GPR137C: variants seen among roughly 807,000 people sequenced by gnomAD.
GPR137C encodes integral membrane protein GPR137C.
GPR137C carries 27 observed loss-of-function variants against 43.4 expected under a neutral mutation model. That is an observed-to-expected ratio of 0.62 (90% CI 0.46 to 0.86). GPR137C has a LOEUF of 0.86. Among genes scored for constraint, GPR137C ranks in the 40% least tolerant of loss-of-function variants. GPR137C has a pLI of 0.00. For synonymous variants in GPR137C, 285 were observed against 226.9 expected, an observed-to-expected ratio of 1.26 and a Z score of -2.30; for missense variants, 522 against 534.6, an observed-to-expected ratio of 0.98 and a Z score of 0.23.
chr14:52,553,711 C>A, intron 1 of GPR137C, 120 bp downstream of exon 1: 1 of 809,988 alleles, frequency 1.2e-6, no homozygotes, highest in Non-Finnish European at 1.9e-6. Context: ...GGAAACCAGC[C>A]TGGGGAAACT....
chr14:52,575,467 A>G (rs1243151733), intron 1 of GPR137C, among the ~76,000 whole-genome samples: 1 of 152,230 alleles, frequency 6.6e-6, no homozygotes, highest in African/African-American at 2.4e-5. Flanking sequence ...AACAATCTGA[A>G]AAACAACACA....
At chr14:52,633,027 A>G (rs1342019454) in intron 4 of GPR137C, among the ~76,000 whole-genome samples, 2 of 152,086 alleles carry the variant, frequency 1.3e-5, no homozygotes, top group African/African-American at 2.4e-5. Context: ...GGCAGATTCT[A>G]TTCACTCCTT....
In GPR137C at chr14:52,576,163, C is replaced by A. The variant is rs78294598; in HGVS notation, c.445-22109C>A. ...GATAAAGAAAGACACTCTTATCAGG[C>A]AGACTATTCTACATGTGTACCCTTT... On this transcript the variant is annotated intron_variant, in intron 1 of 6. Transcript: ENST00000321662. Among the ~76,000 whole-genome samples the A allele has an allele frequency of 6.2e-3, 942 of 152,302 alleles. 11 individuals carry two copies. The highest frequency in any genetic ancestry group is 0.02 in the African/African-American group (835 of 41,558).
At chr14:52,598,230 A>G (rs2038879674) in intron 1 of GPR137C, 42 bp from the exon 2 acceptor site, 2 of 712,790 alleles carry the variant, frequency 2.8e-6, no homozygotes, top group Non-Finnish European at 4.6e-6. Flanking sequence ...AGAATTCTAT[A>G]TTACACGTTT....
chr14:52,576,333 G>C (rs994839217), intron 1 of GPR137C, among the ~76,000 whole-genome samples: 3 of 152,102 alleles, frequency 2.0e-5, no homozygotes, highest in Non-Finnish European at 4.4e-5. Context: ...AGCATTCCAT[G>C]GTCCATATAT....
chr14:52,575,044 C>T (rs2038530089), intron 1 of GPR137C, among the ~76,000 whole-genome samples: 1 of 152,086 alleles, frequency 6.6e-6, no homozygotes. Flanking sequence ...ACTCTTGGTT[C>T]AGGAATAAAT....
chr14:52,563,254 C>G (rs1426281004), intron 1 of GPR137C, among the ~76,000 whole-genome samples: 3 of 152,116 alleles, frequency 2.0e-5, no homozygotes, highest in Non-Finnish European at 4.4e-5. Flanking sequence ...GTTGAGATTT[C>G]TAAACACTTA....
intron 1 of GPR137C, among the ~76,000 whole-genome samples, chr14:52,583,057 T>A (rs1281358062): frequency 2.0e-5 from 3 of 152,172 alleles, no homozygotes; most frequent in Non-Finnish European, 2.9e-5. Context: ...AAGAATAATA[T>A]TCTTTTATAA....
chr14:52,616,052 T>C (rs747920444), intron 3 of GPR137C, among the ~76,000 whole-genome samples: 15 of 152,244 alleles, frequency 9.9e-5, no homozygotes, highest in Non-Finnish European at 2.1e-4. Flanking sequence ...TACAGGTATT[T>C]AGAGCAATAT....
chr14:52,554,040 A>C (rs1292279572), intron 1 of GPR137C, among the ~76,000 whole-genome samples: 1 of 152,210 alleles, frequency 6.6e-6, no homozygotes, highest in Admixed American at 6.5e-5. Context: ...GTCACCAGGC[A>C]GAGCTGTTCC....
At chr14:52,596,191 A>G (rs1255887755) in intron 1 of GPR137C, among the ~76,000 whole-genome samples, 2 of 152,016 alleles carry the variant, frequency 1.3e-5, no homozygotes, top group East Asian at 1.9e-4. Flanking sequence ...CTTCCTCTGG[A>G]TGCTTCGTCC....
In GPR137C at chr14:52,619,030, C is replaced by G. The variant is rs150685248; in HGVS notation, c.718-13130C>G. Among the ~76,000 whole-genome samples the G allele has an allele frequency of 1.3e-3, 197 of 152,274 alleles. 2 individuals are homozygous for G. The highest frequency in any genetic ancestry group is 4.4e-3 in the African/African-American group (184 of 41,578). On this transcript the variant is annotated intron_variant, in intron 3 of 6. Coordinates refer to ENST00000321662, the MANE Select transcript of GPR137C (RefSeq NM_001099652.2). ...GCCATTTGCAAATAATACATTTTCT[C>G]ACTCCCTCCTGTATTTCTAACAGTT...
At chr14:52,570,516 C>T (rs901859173) in intron 1 of GPR137C, among the ~76,000 whole-genome samples, 14 of 151,986 alleles carry the variant, frequency 9.2e-5, no homozygotes, top group Admixed American at 2.6e-4. Context: ...TAAATGTAAA[C>T]GGGCTAAATT....
intron 1 of GPR137C, among the ~76,000 whole-genome samples, chr14:52,564,918 T>C (rs1022482980): frequency 6.6e-6 from 1 of 152,048 alleles, no homozygotes; most frequent in African/African-American, 2.4e-5. Context: ...TTCCCACTTA[T>C]CTACCTCCTC....
chr14:52,555,933 AGAGT>A (rs1407872034), intron 1 of GPR137C, among the ~76,000 whole-genome samples: 2 of 152,192 alleles, frequency 1.3e-5, no homozygotes. Context: ...TGTATTTAAG[AGAGT>A]ATTTTAGTTC....
At chr14:52,568,097 A>G (rs2038401052) in intron 1 of GPR137C, among the ~76,000 whole-genome samples, 3 of 152,030 alleles carry the variant, frequency 2.0e-5, no homozygotes, top group African/African-American at 7.2e-5. Context: ...TTTCCAACTG[A>G]GGTACCTGGC....
chr14:52,626,096 ATAAT>A (rs1467974526), intron 3 of GPR137C, among the ~76,000 whole-genome samples: 1 of 152,222 alleles, frequency 6.6e-6, no homozygotes, highest in Admixed American at 6.5e-5. Flanking sequence ...AGTATTATAA[ATAAT>A]CGAGATGATT....
At chr14:52,578,374 C>T (rs1251937166) in intron 1 of GPR137C, among the ~76,000 whole-genome samples, 2 of 151,954 alleles carry the variant, frequency 1.3e-5, no homozygotes, top group African/African-American at 4.8e-5. Context: ...TCTTTCTCTG[C>T]TTTTTGGGGG....
chr14:52,594,103 G>T (rs1041376937), intron 1 of GPR137C, among the ~76,000 whole-genome samples: 1 of 152,178 alleles, frequency 6.6e-6, no homozygotes, highest in African/African-American at 2.4e-5. Context: ...TAGTCATTCA[G>T]GAGCAGGTTG....
Sources: gnomAD v4.1 joint callset for allele counts (sites outside exome capture counted in the v4.1 genomes callset) on GRCh38, gnomAD v4.1.1 for gene constraint, MANE v1.5 for transcripts, NCBI Gene and HGNC (gene_info 2026-07-23, HGNC 2026-07-21) for gene names.